The following AGBL4 variants were observed in gnomAD, a reference collection of about 807,000 sequenced individuals.
AGBL4 encodes cytosolic carboxypeptidase 6.
Under a neutral mutation model 66.4 loss-of-function variants are expected in AGBL4, and 58 were observed. The ratio of observed to expected loss-of-function variants is 0.87; its 90% confidence interval spans 0.71 to 1.09. AGBL4 has a LOEUF of 1.09. AGBL4 is among the 50% of genes least tolerant of loss of function. The pLI, the probability that AGBL4 is intolerant of heterozygous loss-of-function variation, is 0.00. For missense variants in AGBL4, 579 were observed against 631.0 expected (o/e 0.92, Z 0.88); for synonymous variants, 234 against 222.9 (o/e 1.05, Z -0.44).
At chr1:48,689,294 T>C (rs557743643) in intron 6 of AGBL4, among the ~76,000 whole-genome samples, 3 of 150,212 alleles carry the variant, frequency 2.0e-5, no homozygotes, top group Non-Finnish European at 4.4e-5. Context: ...CCCAGCAACA[T>C]GTATTAACAG....
intron 9 of AGBL4, among the ~76,000 whole-genome samples, chr1:48,631,118 C>T (rs1645586376): frequency 6.6e-6 from 1 of 152,142 alleles, no homozygotes; most frequent in Non-Finnish European, 1.5e-5. Flanking sequence ...CAGAAGGCAA[C>T]CTGGACAGGA....
At chr1:48,866,553 T>C (rs1402312557) in intron 6 of AGBL4, among the ~76,000 whole-genome samples, 1 of 152,216 alleles carries the variant, frequency 6.6e-6, no homozygotes, top group Non-Finnish European at 1.5e-5. Context: ...CAGTACCTCT[T>C]TTTGTCCAAC....
At chr1:49,352,503 C>A (rs1181372783) in intron 3 of AGBL4, among the ~76,000 whole-genome samples, 1 of 149,846 alleles carries the variant, frequency 6.7e-6, no homozygotes, top group Non-Finnish European at 1.5e-5. Context: ...CAGAGAATAT[C>A]AGCTCCCAGC....
chr1:48,717,668 T>C (rs760219814), intron 6 of AGBL4, among the ~76,000 whole-genome samples: 1 of 152,188 alleles, frequency 6.6e-6, no homozygotes, highest in Non-Finnish European at 1.5e-5. Context: ...ATCCAACCAG[T>C]GGAAGAGAAA....
At chr1:49,947,994 A>ATAAATATATATT (rs1183285520) in intron 1 of AGBL4, among the ~76,000 whole-genome samples, 55 of 84,854 alleles carry the variant, frequency 6.5e-4, no homozygotes, top group Non-Finnish European at 7.9e-4. Flanking sequence ...ATATTTATAT[A>ATAAATATATATT]TATAAATATA....
intron 3 of AGBL4, among the ~76,000 whole-genome samples, chr1:49,312,435 G>A (rs762462343): frequency 3.3e-5 from 5 of 151,960 alleles, no homozygotes; most frequent in African/African-American, 4.8e-5. Context: ...CCAGTCTCAC[G>A]TATTTTGTTA....
rs183089042 is a variant in AGBL4, at chr1:49,983,335, G to A, written c.34+40428C>T. ...TTCTCCAGTGCCAGACAAGGAAGCT[G>A]CTTGTGGTACACCTAATCCAGCTAC... On this transcript the variant is annotated intron_variant, in intron 1 of 13. Transcript: ENST00000371839. 8.1e-4 allele frequency among the ~76,000 whole-genome samples: 124 copies of A among 152,352 alleles called. 1 individual carries two copies. The highest frequency in any genetic ancestry group is 1.0e-3 in the Non-Finnish European group (69 of 68,022).
chr1:49,483,651 A>G (rs966820579), intron 3 of AGBL4, among the ~76,000 whole-genome samples: 8 of 151,984 alleles, frequency 5.3e-5, no homozygotes, highest in Non-Finnish European at 7.4e-5. Context: ...ACTACTACAA[A>G]ACACATTGAG....
At chr1:49,742,815 T>A (rs191944624) in intron 2 of AGBL4, among the ~76,000 whole-genome samples, 1 of 152,126 alleles carries the variant, frequency 6.6e-6, no homozygotes, top group South Asian at 2.1e-4. Context: ...GATTCCCTAT[T>A]TAATAAATGG....
intron 4 of AGBL4, among the ~76,000 whole-genome samples, chr1:49,194,113 G>A (rs1570015698): frequency 6.6e-6 from 1 of 152,120 alleles, no homozygotes; most frequent in East Asian, 1.9e-4. Context: ...TTAGTAGGAT[G>A]TTGAAGTCCT....
chr1:48,727,582 T>G (rs911894163), intron 6 of AGBL4: 5 of 203,154 alleles, frequency 2.5e-5, no homozygotes, highest in African/African-American at 1.2e-4. Flanking sequence ...AGTCCTTGGA[T>G]AGTAAAAATA....
intron 5 of AGBL4, among the ~76,000 whole-genome samples, chr1:48,924,174 T>C (rs1040364803): frequency 2.0e-5 from 3 of 152,052 alleles, no homozygotes; most frequent in African/African-American, 7.2e-5. Context: ...AAGATAGATA[T>C]ATATTTTAAT....
intron 5 of AGBL4, among the ~76,000 whole-genome samples, chr1:49,011,775 G>C (rs901632096): frequency 1.6e-4 from 24 of 150,548 alleles, no homozygotes; most frequent in Admixed American, 6.7e-4. Context: ...GTAAACTATC[G>C]CAAGAACCAA....
In AGBL4 at chr1:48,791,421, C is replaced by G. The variant is rs373061602; in HGVS notation, c.634+75770G>C. Among the ~76,000 whole-genome samples, 25 of 152,250 alleles carry G rather than the reference C, an allele frequency of 1.6e-4. 1 individual carries two copies. The South Asian group carries it at 5.0e-3, about 30-fold the overall frequency. ...CTGCCATTTCCATGCTGCCCTCCCC[C>G]ACCACTACCCTCCATTCCCCCATCC... On this transcript the variant is annotated intron_variant, in intron 6 of 13. Transcript: ENST00000371839.
intron 1 of AGBL4, among the ~76,000 whole-genome samples, chr1:50,023,510 T>C (rs970410350): frequency 6.6e-6 from 1 of 152,142 alleles, no homozygotes; most frequent in Non-Finnish European, 1.5e-5. Context: ...TCCCAGCCCC[T>C]TTCGGGCCCA....
At chr1:48,795,159 A>G (rs557251969) in intron 6 of AGBL4, among the ~76,000 whole-genome samples, 2 of 152,256 alleles carry the variant, frequency 1.3e-5, no homozygotes, top group Admixed American at 6.5e-5. Context: ...CCCCTTCCCA[A>G]TGCATTCCCT....
At chr1:49,564,200 T>C (rs1331090502) in intron 3 of AGBL4, among the ~76,000 whole-genome samples, 1 of 151,934 alleles carries the variant, frequency 6.6e-6, no homozygotes, top group Non-Finnish European at 1.5e-5. Context: ...TATTCTCTCT[T>C]TTCTTTATTA....
In AGBL4 at chr1:48,776,342, G is replaced by A. The variant is rs891690358; in HGVS notation, c.634+90849C>T. 5.3e-5 allele frequency among the ~76,000 whole-genome samples: 8 copies of A among 152,320 alleles called. No homozygotes were observed. The Middle Eastern group carries it at 0.01, about 194-fold the overall frequency. ...ACAAAGAATCAGAAAGAGGAGGACA[G>A]ACACAGATGAAGAGATGAAGACGGA... On this transcript the variant is annotated intron_variant, in intron 6 of 13. Transcript: ENST00000371839.
chr1:48,730,206 C>A (rs1024145398), intron 6 of AGBL4, among the ~76,000 whole-genome samples: 6 of 152,142 alleles, frequency 3.9e-5, no homozygotes, highest in Non-Finnish European at 4.4e-5. Flanking sequence ...CAGACTGGGA[C>A]ACTCAGGCAT....
Sources: gnomAD v4.1 joint callset for allele counts (sites outside exome capture counted in the v4.1 genomes callset) on GRCh38, gnomAD v4.1.1 for gene constraint, MANE v1.5 for transcripts, NCBI Gene and HGNC (gene_info 2026-07-23, HGNC 2026-07-21) for gene names.